ACTL8: variants seen among roughly 807,000 people sequenced by gnomAD.
ACTL8 encodes the protein actin-like protein 8.
A neutral mutation model predicts 9.3 loss-of-function variants in ACTL8; 3 were observed. That is an observed-to-expected ratio of 0.32 (90% CI 0.15 to 0.83). The LOEUF (loss-of-function observed/expected upper bound fraction) is 0.83, where lower values mean the gene tolerates loss of function less well. Ranked by LOEUF, ACTL8 falls within the 40% of genes least tolerant of loss-of-function variation. The pLI is 0.57. For missense variants in ACTL8, 381 were observed against 492.2 expected, an observed-to-expected ratio of 0.77 and a Z score of 2.14; for synonymous variants, 224 against 205.9, an observed-to-expected ratio of 1.09 and a Z score of -0.75.
intron 1 of ACTL8, among the ~76,000 whole-genome samples, chr1:17,802,533 T>A (rs2066328954): frequency 6.6e-6 from 1 of 152,088 alleles, no homozygotes; most frequent in Non-Finnish European, 1.5e-5. Context: ...AAGGAGTTAC[T>A]ACCGCGGGTA....
intron 1 of ACTL8, among the ~76,000 whole-genome samples, chr1:17,786,097 G>A (rs1205918700): frequency 1.3e-5 from 2 of 152,236 alleles, no homozygotes; most frequent in African/African-American, 4.8e-5. Flanking sequence ...GGCTCCCGCA[G>A]GCCTCTGCCA....
At chr1:17,780,157 G>T (rs2066144914) in intron 1 of ACTL8, among the ~76,000 whole-genome samples, 1 of 152,156 alleles carries the variant, frequency 6.6e-6, no homozygotes, top group South Asian at 2.1e-4. Context: ...GCAGTGAGCT[G>T]TGATTGCGCC....
In ACTL8 at chr1:17,819,469, G is replaced by T. The variant is rs147382335; in HGVS notation, c.-24-3516G>T. Among the ~76,000 whole-genome samples the T allele has an allele frequency of 7.2e-3, 1,102 of 152,328 alleles. 9 individuals carry two copies. Among genetic ancestry groups the T allele is most frequent in the Non-Finnish European group, 9.2e-3 (626 of 68,020 alleles). ...TGACAGCAGGGAGCCACTGGCCAGGGCCAGGCCATGGCTCTCATGCTCAAT... is the reference window on the plus strand; with the variant it reads ...TGACAGCAGGGAGCCACTGGCCAGGTCCAGGCCATGGCTCTCATGCTCAAT... On this transcript the variant is annotated intron_variant, in intron 1 of 2. Coordinates refer to ENST00000375406, the MANE Select transcript of ACTL8 (RefSeq NM_030812.3).
rs761062155 is a variant in ACTL8 at position 17,826,178 on chromosome 1, G to T, written c.760G>T (p.Val254Leu). 21 of 1,613,052 alleles carry T rather than the reference G, an allele frequency of 1.3e-5. No homozygotes were observed. The South Asian group carries it at 1.9e-4, about 14-fold the overall frequency. Residue 254 changes from valine to leucine, a missense_variant, in exon 3 of 3, where the codon GTG becomes TTG. This residue lies in a region of ACTL8 where 243 missense variants were observed against 276.2 expected (regional missense o/e 0.88). Transcript: ENST00000375406. This position sits in a 1 kb window ranked among gnomAD's most constrained non-coding sequence, Gnocchi z 4.5. ...SRVELTPMQRVAPEMFFSPQV... is the reference protein window; with the variant it reads ...SRVELTPMQRLAPEMFFSPQV... ...CGTGGAGCTGACCCCCATGCAGCGG[G>T]TGGCTCCTGAGATGTTCTTTAGCCC...
intron 1 of ACTL8, among the ~76,000 whole-genome samples, chr1:17,799,103 C>A (rs2066300867): frequency 6.6e-6 from 1 of 152,142 alleles, no homozygotes; most frequent in Non-Finnish European, 1.5e-5. Flanking sequence ...TGTAGAGTCC[C>A]ATCACAAGCT....
In ACTL8 at chr1:17,826,898, G is replaced by T. The variant is rs1166700331; in HGVS notation, c.*379G>T. On this transcript the variant is annotated 3_prime_UTR_variant, in exon 3 of 3. Transcript: ENST00000375406. The surrounding 1 kb of genome is among the most constrained non-coding windows in gnomAD (Gnocchi z 4.5). ...TTAACTGGGGTAGCACTCCTGCTAG[G>T]AGTCCCAATTATTTTTGACTAGGGG... The T allele has an allele frequency of 1.9e-5, 3 of 161,046 alleles. No individual in the cohort carries two copies. Among genetic ancestry groups the T allele is most frequent in the Non-Finnish European group, 4.0e-5 (3 of 74,332 alleles). The allele number at this position is 161,046 out of a possible 1,614,324, so 10.0% of individuals were successfully genotyped here.
intron 1 of ACTL8, among the ~76,000 whole-genome samples, chr1:17,797,314 T>C (rs1404050397): frequency 6.6e-6 from 1 of 152,176 alleles, no homozygotes; most frequent in Non-Finnish European, 1.5e-5. Context: ...GCATGGTAGC[T>C]ATTAGTCATA....
At chr1:17,795,617 A>G (rs2066271221) in intron 1 of ACTL8, among the ~76,000 whole-genome samples, 1 of 152,226 alleles carries the variant, frequency 6.6e-6, no homozygotes, top group Non-Finnish European at 1.5e-5. Flanking sequence ...ACACACCAGG[A>G]AGCTGGGATA....
intron 1 of ACTL8, among the ~76,000 whole-genome samples, chr1:17,798,932 C>A (rs907323676): frequency 4.6e-5 from 7 of 152,184 alleles, no homozygotes; most frequent in African/African-American, 1.7e-4. Flanking sequence ...ACCATATCTA[C>A]CCCACACGCT....
chr1:17,779,085 G>T (rs932005675), intron 1 of ACTL8, among the ~76,000 whole-genome samples: 14 of 152,046 alleles, frequency 9.2e-5, no homozygotes, highest in African/African-American at 2.9e-4. Context: ...TGCCTCTCCA[G>T]CCCTGTTCCT....
At chr1:17,802,401 C>G (rs1340268844) in intron 1 of ACTL8, among the ~76,000 whole-genome samples, 1 of 149,332 alleles carries the variant, frequency 6.7e-6, no homozygotes, top group Non-Finnish European at 1.5e-5. Flanking sequence ...CACTGAACAG[C>G]AGATCCCGGA....
chr1:17,807,608 T>C (rs2066367383), intron 1 of ACTL8, among the ~76,000 whole-genome samples: 1 of 152,096 alleles, frequency 6.6e-6, no homozygotes, highest in Non-Finnish European at 1.5e-5. Context: ...TGGCCATCAG[T>C]GATAGACTGG....
At chr1:17,768,667 T>C (rs1365738000) in intron 1 of ACTL8, among the ~76,000 whole-genome samples, 4 of 152,120 alleles carry the variant, frequency 2.6e-5, no homozygotes, top group Non-Finnish European at 5.9e-5. Context: ...GTGATCCGGC[T>C]GGGCCTCTAG....
At chr1:17,784,380 A>G (rs541326395) in intron 1 of ACTL8, among the ~76,000 whole-genome samples, 7 of 152,254 alleles carry the variant, frequency 4.6e-5, no homozygotes, top group African/African-American at 1.7e-4. Context: ...ATTCAACAGG[A>G]GATTTGGGTG....
At chr1:17,792,425 T>A (rs2066246572) in intron 1 of ACTL8, among the ~76,000 whole-genome samples, 1 of 152,216 alleles carries the variant, frequency 6.6e-6, no homozygotes, top group Non-Finnish European at 1.5e-5. Context: ...TTCAAATATC[T>A]GGAAGGGTCT....
At chr1:17,801,202 C>T (rs11203465) in intron 1 of ACTL8, among the ~76,000 whole-genome samples, 2,252 of 152,300 alleles carry the variant, frequency 0.015, 71 homozygotes, top group African/African-American at 0.051. Context: ...GAGCTAGATA[C>T]TGTTTATTAT....
intron 1 of ACTL8, among the ~76,000 whole-genome samples, chr1:17,801,876 C>T (rs796866330): frequency 5.3e-5 from 8 of 152,136 alleles, no homozygotes; most frequent in Admixed American, 5.2e-4. Context: ...CATCTAGTTA[C>T]CAGCATAAAT....
chr1:17,786,644 T>C (rs1025858470), intron 1 of ACTL8, among the ~76,000 whole-genome samples: 3 of 152,162 alleles, frequency 2.0e-5, no homozygotes, highest in Non-Finnish European at 4.4e-5. Context: ...AGGGGACATA[T>C]ACATGGACCT....
chr1:17,794,509 T>C (rs2066263863), intron 1 of ACTL8, among the ~76,000 whole-genome samples: 2 of 152,234 alleles, frequency 1.3e-5, no homozygotes, highest in South Asian at 4.1e-4. Flanking sequence ...GGAAAATAGA[T>C]GTTAAACAAG....
Sources: gnomAD v4.1 joint callset for allele counts (sites outside exome capture counted in the v4.1 genomes callset) on GRCh38, gnomAD v4.1.1 for gene constraint, gnomAD v4.1.1 regional missense constraint, Gnocchi (gnomAD v3.1) non-coding constraint, MANE v1.5 for transcripts, NCBI Gene and HGNC (gene_info 2026-07-23, HGNC 2026-07-21) for gene names.